TAF2: variants seen among roughly 807,000 people sequenced by gnomAD.
The protein encoded by TAF2 is TATA-box binding protein associated factor 2, also known as transcription initiation factor TFIID subunit 2.
In TAF2, 61 loss-of-function variants were observed where a neutral mutation model predicts 138.5. That is an observed-to-expected ratio of 0.44 (90% CI 0.36 to 0.54). The LOEUF (loss-of-function observed/expected upper bound fraction) is 0.54. Among genes scored for constraint, TAF2 ranks in the 20% least tolerant of loss-of-function variants. The probability of loss-of-function intolerance (pLI) is 0.00; values close to 1 mark genes in which losing one functional copy is unlikely to be tolerated. For synonymous variants in TAF2, 475 were observed against 469.9 expected, an observed-to-expected ratio of 1.01 and a Z score of -0.14; for missense variants, 1,090 against 1,427.9, an observed-to-expected ratio of 0.76 and a Z score of 3.81.
chr8:119,813,391 G>A (rs1032339527), intron 3 of TAF2, among the ~76,000 whole-genome samples: 3 of 152,230 alleles, frequency 2.0e-5, no homozygotes, highest in Admixed American at 6.5e-5. Context: ...TTCTCTTGAG[G>A]ACAGTGGATA....
chr8:119,820,908 A>C (rs1157400267), intron 2 of TAF2, among the ~76,000 whole-genome samples: 1 of 152,244 alleles, frequency 6.6e-6, no homozygotes, highest in Non-Finnish European at 1.5e-5. Context: ...TGTAGGAAGG[A>C]AGACCAGAAT....
intron 25 of TAF2, among the ~76,000 whole-genome samples, chr8:119,738,366 A>G (rs923836882): frequency 6.6e-6 from 1 of 152,156 alleles, no homozygotes; most frequent in Non-Finnish European, 1.5e-5. Flanking sequence ...CCTTGATACA[A>G]ACATTTACAC....
intron 3 of TAF2, among the ~76,000 whole-genome samples, chr8:119,818,827 T>C (rs867198097): frequency 6.6e-6 from 1 of 152,038 alleles, no homozygotes; most frequent in Non-Finnish European, 1.5e-5. Context: ...CAGCAATATA[T>C]GTTTAATGAT....
intron 20 of TAF2, 55 bp from the exon 21 acceptor site, chr8:119,758,197 T>C (rs1197953258): frequency 2.1e-6 from 3 of 1,417,530 alleles, no homozygotes; most frequent in Admixed American, 3.4e-5. Flanking sequence ...AAATAATGAA[T>C]AATGAGTGAC....
chr8:119,805,786 G>A (rs7833490), intron 4 of TAF2, among the ~76,000 whole-genome samples: 88,088 of 151,720 alleles, frequency 0.58, 25,736 homozygotes, highest in Middle Eastern at 0.74. Flanking sequence ...CCCTGAAATG[G>A]TATCATCCTG....
intron 16 of TAF2, among the ~76,000 whole-genome samples, chr8:119,782,707 T>A (rs1822750976): frequency 6.6e-6 from 1 of 152,228 alleles, no homozygotes; most frequent in South Asian, 2.1e-4. Flanking sequence ...ATAATTTGCA[T>A]CTAAAAAACA....
intron 25 of TAF2, among the ~76,000 whole-genome samples, chr8:119,738,813 G>C (rs1318160146): frequency 1.3e-5 from 2 of 151,948 alleles, no homozygotes; most frequent in Non-Finnish European, 2.9e-5. Flanking sequence ...TTCACCTTAG[G>C]TATATGTTTA....
At chr8:119,742,384 T>C (rs1819652803) in intron 25 of TAF2, 150 bp downstream of exon 25, 1 of 901,272 alleles carries the variant, frequency 1.1e-6, no homozygotes, top group Non-Finnish European at 1.6e-6. Flanking sequence ...TCTTTAAAGT[T>C]AGACAATATA....
In TAF2 at chr8:119,732,113, T is replaced by C. The variant is rs1197780662; in HGVS notation, c.3411A>G (p.Glu1137=). The C allele has an allele frequency of 6.2e-7, 1 of 1,614,134 alleles. No individual in the cohort carries two copies. The highest frequency in any genetic ancestry group is 1.7e-5 in the Admixed American group (1 of 60,014). The change falls in exon 26 of 26, where the codon GAA becomes GAG. Residue 1137 remains glutamate, a synonymous_variant. Transcript: ENST00000378164. ...ASAPLSVFTK[E]STASKHSDHH... Reference sequence around the variant, plus strand: ...GGTCACTGTGTTTGGAGGCTGTAGATTCCTTAGTAAAGACTGAGAGTGGAG... The same window carrying C: ...GGTCACTGTGTTTGGAGGCTGTAGACTCCTTAGTAAAGACTGAGAGTGGAG...
chr8:119,800,413 T>C (rs935348489), intron 6 of TAF2, among the ~76,000 whole-genome samples: 9 of 152,216 alleles, frequency 5.9e-5, no homozygotes, highest in African/African-American at 2.2e-4. Flanking sequence ...CCTTTCCCCA[T>C]TTCTTGTTTT....
In TAF2 at chr8:119,801,950, C is replaced by T; in HGVS notation, c.636G>A (p.Met212Ile). ...WKLEFTVDAAMVAVSNGDLVE... is the reference protein window; with the variant it reads ...WKLEFTVDAAIVAVSNGDLVE... ...CCAAATCGCCATTAGAAACAGCAACCATTGCAGCATCTACTGTAAATTCTA... is the reference window on the plus strand; with the variant it reads ...CCAAATCGCCATTAGAAACAGCAACTATTGCAGCATCTACTGTAAATTCTA... Residue 212 changes from methionine (M) to isoleucine (I), a missense_variant, in exon 6 of 26, where the codon ATG (methionine) becomes ATA (isoleucine). By Grantham distance (10) the Met-to-Ile change is conservative. Coordinates refer to ENST00000378164, the MANE Select transcript of TAF2 (RefSeq NM_003184.4). 6.2e-7 allele frequency: 1 copy of T among 1,614,158 alleles called. No individual in the cohort carries two copies.
chr8:119,824,826 G>A (rs964880173), intron 2 of TAF2, among the ~76,000 whole-genome samples: 1 of 152,218 alleles, frequency 6.6e-6, no homozygotes, highest in African/African-American at 2.4e-5. Context: ...TGAGGTTTGG[G>A]AACCTCCACC....
chr8:119,744,427 G>C (rs1161938139), intron 23 of TAF2, 34 bp from the exon 24 acceptor site: 14 of 1,564,862 alleles, frequency 8.9e-6, no homozygotes, highest in Non-Finnish European at 1.2e-5. Flanking sequence ...GAGGATAAAA[G>C]AACCATTACA....
chr8:119,769,749 C>A (rs1298700203), intron 18 of TAF2, among the ~76,000 whole-genome samples: 1 of 151,470 alleles, frequency 6.6e-6, no homozygotes, highest in Non-Finnish European at 1.5e-5. Flanking sequence ...TTCGAATTAA[C>A]CCAGTCAGAA....
At chr8:119,827,244 TATC>T (rs1440107145) in intron 2 of TAF2, among the ~76,000 whole-genome samples, 1 of 152,182 alleles carries the variant, frequency 6.6e-6, no homozygotes, top group Non-Finnish European at 1.5e-5. Flanking sequence ...TTTTCTCAAA[TATC>T]ATGTTCTTCA....
chr8:119,752,608 T>C (rs929379153), intron 22 of TAF2, among the ~76,000 whole-genome samples: 1 of 152,238 alleles, frequency 6.6e-6, no homozygotes. Flanking sequence ...AGTATCATTC[T>C]GTCTCACTCT....
chr8:119,774,216 T>G (rs1371563543), intron 18 of TAF2, among the ~76,000 whole-genome samples: 1 of 152,092 alleles, frequency 6.6e-6, no homozygotes, highest in Non-Finnish European at 1.5e-5. Flanking sequence ...CACTACAGAT[T>G]AAGCACCTGG....
chr8:119,798,280 A>G (rs17818097), intron 6 of TAF2, among the ~76,000 whole-genome samples: 20,568 of 152,228 alleles, frequency 0.14, 1,575 homozygotes, highest in Middle Eastern at 0.34. Flanking sequence ...AAAAATAATT[A>G]CTGTAGTCCC....
intron 25 of TAF2, among the ~76,000 whole-genome samples, chr8:119,740,569 G>A (rs1408238654): frequency 6.7e-6 from 1 of 148,598 alleles, no homozygotes; most frequent in Non-Finnish European, 1.5e-5. Flanking sequence ...GGAAGCTGAG[G>A]TACGAGAATC....
Sources: gnomAD v4.1 joint callset for allele counts (sites outside exome capture counted in the v4.1 genomes callset) on GRCh38, gnomAD v4.1.1 for gene constraint, MANE v1.5 for transcripts, NCBI Gene and HGNC (gene_info 2026-07-23, HGNC 2026-07-21) for gene names.